The following CNTNAP2 variants were observed in gnomAD, a reference collection of about 807,000 sequenced individuals.
CNTNAP2 encodes contactin associated protein 2.
Under a neutral mutation model 155.2 loss-of-function variants are expected in CNTNAP2, and 98 were observed. The ratio of observed to expected loss-of-function variants is 0.63; its 90% CI spans 0.54 to 0.75. CNTNAP2 has a LOEUF of 0.75. CNTNAP2 is among the 30% of genes least tolerant of loss of function. The probability of loss-of-function intolerance (pLI) is 0.00; values close to 1 mark genes in which losing one functional copy is unlikely to be tolerated. For missense variants in CNTNAP2, 1,727 were observed against 1,688.1 expected, an observed-to-expected ratio of 1.02 and a Z score of -0.40; for synonymous variants, 651 against 631.2, an observed-to-expected ratio of 1.03 and a Z score of -0.47.
intron 1 of CNTNAP2, among the ~76,000 whole-genome samples, chr7:146,748,229 T>G (rs1801844458): frequency 6.9e-6 from 1 of 145,492 alleles, no homozygotes; most frequent in Non-Finnish European, 1.5e-5. Flanking sequence ...CACTGCAAGC[T>G]CTGCTTCCCG....
intron 13 of CNTNAP2, among the ~76,000 whole-genome samples, chr7:147,668,219 T>C (rs889064396): frequency 6.6e-6 from 1 of 152,296 alleles, no homozygotes; most frequent in African/African-American, 2.4e-5. Flanking sequence ...TTAGAAGTTT[T>C]TACAGACCTC....
At chr7:146,663,279 A>AG in intron 1 of CNTNAP2, among the ~76,000 whole-genome samples, 1 of 99,666 alleles carries the variant, frequency 1.0e-5, no homozygotes, top group African/African-American at 3.3e-5. Flanking sequence ...CTCCATCTCA[A>AG]AAAAAAAAAA....
chr7:147,986,289 A>C (rs1563158321), intron 15 of CNTNAP2, among the ~76,000 whole-genome samples: 1 of 152,186 alleles, frequency 6.6e-6, no homozygotes. Flanking sequence ...TTGCAACATC[A>C]TGATGGGCTC....
chr7:148,250,485 G>A (rs910409852), intron 20 of CNTNAP2, among the ~76,000 whole-genome samples: 2 of 152,192 alleles, frequency 1.3e-5, no homozygotes, highest in Admixed American at 6.5e-5. Flanking sequence ...TTTCTTGAAT[G>A]AATAAACGGA....
intron 1 of CNTNAP2, among the ~76,000 whole-genome samples, chr7:146,170,301 C>T (rs767107429): frequency 6.6e-6 from 1 of 152,148 alleles, no homozygotes; most frequent in East Asian, 1.9e-4. Flanking sequence ...GCTAGGATTA[C>T]AGGCATTAGT....
chr7:147,949,641 A>G (rs1321555119), intron 14 of CNTNAP2, among the ~76,000 whole-genome samples: 1 of 152,052 alleles, frequency 6.6e-6, no homozygotes, highest in East Asian at 1.9e-4. Context: ...CAAGAAATAG[A>G]CTCAGTGACC....
intron 4 of CNTNAP2, among the ~76,000 whole-genome samples, chr7:147,104,656 A>G (rs979912833): frequency 2.0e-5 from 3 of 151,130 alleles, no homozygotes; most frequent in African/African-American, 7.3e-5. Flanking sequence ...TAATTTTTTC[A>G]AATAAGTAGA....
At chr7:146,967,237 A>G (rs1797676145) in intron 3 of CNTNAP2, among the ~76,000 whole-genome samples, 2 of 152,166 alleles carry the variant, frequency 1.3e-5, no homozygotes, top group African/African-American at 4.8e-5. Flanking sequence ...TTATTGATGT[A>G]GACTTTAGTA....
At chr7:146,933,460 T>G (rs1161313601) in intron 3 of CNTNAP2, among the ~76,000 whole-genome samples, 1 of 151,290 alleles carries the variant, frequency 6.6e-6, no homozygotes, top group Non-Finnish European at 1.5e-5. Context: ...AAGACTTAAA[T>G]GTTAGACCTA....
intron 2 of CNTNAP2, among the ~76,000 whole-genome samples, chr7:146,830,802 G>C (rs1803494659): frequency 6.6e-6 from 1 of 152,100 alleles, no homozygotes; most frequent in Non-Finnish European, 1.5e-5. Context: ...AATTTCATAA[G>C]CATGTCTTTC....
intron 1 of CNTNAP2, among the ~76,000 whole-genome samples, chr7:146,367,560 C>A (rs923285334): frequency 3.7e-4 from 56 of 152,080 alleles, no homozygotes; most frequent in African/African-American, 1.3e-3. Context: ...CAAGCACATA[C>A]ATTCCTCATC....
chr7:146,930,814 CAACAAAGATCAAAAGA>C (rs1416428663), intron 3 of CNTNAP2, among the ~76,000 whole-genome samples: 2 of 151,986 alleles, frequency 1.3e-5, no homozygotes, highest in Non-Finnish European at 2.9e-5. Flanking sequence ...GACTTTAAAC[CAACAAAGATCAAAAGA>C]GACAAAGAAG....
At chr7:147,116,587 C>T (rs1040365188) in intron 5 of CNTNAP2, among the ~76,000 whole-genome samples, 3 of 152,086 alleles carry the variant, frequency 2.0e-5, no homozygotes, top group Admixed American at 6.5e-5. Flanking sequence ...CTGGTCACAC[C>T]TTGACAAAAC....
chr7:147,435,675 T>TTAAACACG (rs1797537942), intron 10 of CNTNAP2, among the ~76,000 whole-genome samples: 1 of 152,194 alleles, frequency 6.6e-6, no homozygotes, highest in Admixed American at 6.5e-5. Context: ...TGTGAAACAG[T>TTAAACACG]TAAACACGTT....
chr7:147,300,438 AAAAAG>A (rs1424933896), intron 9 of CNTNAP2, 148 bp downstream of exon 9: 5 of 917,058 alleles, frequency 5.5e-6, no homozygotes, highest in African/African-American at 3.4e-5. Flanking sequence ...AGCAAAACAA[AAAAAG>A]AAAAGGAAAA....
intron 3 of CNTNAP2, among the ~76,000 whole-genome samples, chr7:146,930,440 A>G (rs13224395): frequency 0.23 from 35,253 of 151,702 alleles, 5,166 homozygotes; most frequent in Non-Finnish European, 0.32. Context: ...TGAAGGAAGC[A>G]CTAAACATGG....
At chr7:147,655,367 C>T (rs1795510277) in intron 13 of CNTNAP2, among the ~76,000 whole-genome samples, 1 of 152,174 alleles carries the variant, frequency 6.6e-6, no homozygotes, top group Non-Finnish European at 1.5e-5. Context: ...AGGTGATCCG[C>T]CCATCTTGGC....
chr7:146,843,617 C>G (rs1190843226), intron 3 of CNTNAP2, among the ~76,000 whole-genome samples: 1 of 141,314 alleles, frequency 7.1e-6, no homozygotes, highest in Non-Finnish European at 1.6e-5. Context: ...AAAAAAGAGT[C>G]CAATCCTTTG....
At chr7:146,194,669 A>G (rs1312736843) in intron 1 of CNTNAP2, among the ~76,000 whole-genome samples, 1 of 152,220 alleles carries the variant, frequency 6.6e-6, no homozygotes, top group African/African-American at 2.4e-5. Context: ...TTTGCTTTTT[A>G]TCCATACACT....
Sources: gnomAD v4.1 joint callset for allele counts (sites outside exome capture counted in the v4.1 genomes callset) on GRCh38, gnomAD v4.1.1 for gene constraint, MANE v1.5 for transcripts, NCBI Gene and HGNC (gene_info 2026-07-23, HGNC 2026-07-21) for gene names.